PACRG: variants seen among roughly 807,000 people sequenced by gnomAD.
PACRG encodes parkin coregulated, also known as parkin coregulated gene protein.
A neutral mutation model predicts 29.7 loss-of-function variants in PACRG; 29 were observed. That is an observed-to-expected ratio of 0.98 (90% CI 0.73 to 1.33). The LOEUF (loss-of-function observed/expected upper bound fraction) is 1.33. Ranked by LOEUF, PACRG falls within the 40% of genes most tolerant of loss-of-function variation. PACRG has a pLI of 0.00. For synonymous variants in PACRG, 116 were observed against 118.7 expected, an observed-to-expected ratio of 0.98 and a Z score of 0.15; for missense variants, 279 against 316.2, an observed-to-expected ratio of 0.88 and a Z score of 0.89.
intron 2 of PACRG, among the ~76,000 whole-genome samples, chr6:162,839,140 T>C (rs1236871255): frequency 4.0e-5 from 5 of 126,416 alleles, no homozygotes; most frequent in African/African-American, 1.0e-4. Flanking sequence ...ATGGTATTTC[T>C]AGTTCTAGAT....
At chr6:163,078,649 T>C (rs898405153) in intron 3 of PACRG, among the ~76,000 whole-genome samples, 5 of 152,166 alleles carry the variant, frequency 3.3e-5, no homozygotes, top group Non-Finnish European at 7.4e-5. Flanking sequence ...ATTCTCTGCC[T>C]AAATTACGGC....
At position 163,194,372 on chromosome 6, in the gene PACRG, G is replaced by A. The variant is rs941735601; in HGVS notation, c.613+104964G>A. Among the ~76,000 whole-genome samples the A allele has an allele frequency of 4.6e-5, 7 of 151,180 alleles. No homozygotes were observed. In the East Asian group the frequency reaches 1.4e-3, roughly 30 times the overall value. ...TCTCCCCCTCTCTCCCTCCCTCCCT[G>A]TCTTTTCTCCTGTCTCCCTGTCACC... is the stretch of plus-strand genomic sequence containing the variant. On this transcript the variant is annotated intron_variant, in intron 4 of 4. Coordinates refer to ENST00000366888, the MANE Select transcript of PACRG (RefSeq NM_001080379.2).
At chr6:162,767,624 G>A (rs1331242582) in intron 1 of PACRG, among the ~76,000 whole-genome samples, 1 of 151,198 alleles carries the variant, frequency 6.6e-6, no homozygotes, top group Admixed American at 6.6e-5. Flanking sequence ...AATTTGGGGA[G>A]AATTTAACAT....
At chr6:162,967,651 C>T (rs7758078) in intron 2 of PACRG, among the ~76,000 whole-genome samples, 101,777 of 151,292 alleles carry the variant, frequency 0.67, 34,394 homozygotes, top group East Asian at 0.79. Context: ...GGACTACAGG[C>T]GCCTGCCACC....
intron 2 of PACRG, among the ~76,000 whole-genome samples, chr6:162,978,085 A>C (rs1802104541): frequency 6.6e-6 from 1 of 152,094 alleles, no homozygotes; most frequent in South Asian, 2.1e-4. Context: ...CGGAGGTTGC[A>C]GTGAACCAAG....
chr6:163,152,910 C>G (rs1027656516), intron 4 of PACRG, among the ~76,000 whole-genome samples: 1 of 152,134 alleles, frequency 6.6e-6, no homozygotes, highest in Non-Finnish European at 1.5e-5. Context: ...GGCCTATTAA[C>G]GGTAGTGAGC....
chr6:163,313,484 TG>T (rs1411695533), intron 4 of PACRG, among the ~76,000 whole-genome samples: 3 of 152,204 alleles, frequency 2.0e-5, no homozygotes, highest in Non-Finnish European at 4.4e-5. Context: ...GGATTGTAAT[TG>T]TTATATTTAT....
Position 163,174,873 on chromosome 6 carries a change from A to G in PACRG, c.613+85465A>G, listed in dbSNP as rs1469342407. On this transcript the variant is annotated intron_variant, in intron 4 of 4. Coordinates refer to ENST00000366888, the MANE Select transcript of PACRG (RefSeq NM_001080379.2). ...GCCTCCACTGTCTCATTGAGTCCTC[A>G]CAGCACACGTAAATAAATAGAGGGG... Among the ~76,000 whole-genome samples, 3 of 152,084 alleles carry G rather than the reference A, an allele frequency of 2.0e-5. No individual in the cohort carries two copies. In the East Asian group the frequency reaches 5.8e-4, roughly 29 times the overall value.
At chr6:162,861,660 AC>A (rs1395565455) in intron 2 of PACRG, among the ~76,000 whole-genome samples, 1 of 151,920 alleles carries the variant, frequency 6.6e-6, no homozygotes, top group Non-Finnish European at 1.5e-5. Flanking sequence ...CTCACCACCC[AC>A]CTCTCATTAT....
intron 4 of PACRG, among the ~76,000 whole-genome samples, chr6:163,139,000 C>T (rs1045396803): frequency 6.6e-6 from 1 of 152,232 alleles, no homozygotes; most frequent in Non-Finnish European, 1.5e-5. Context: ...CTGACTCCAT[C>T]CTACACTGCC....
At chr6:162,958,880 TATATAGAGAGAGAGAGAGAGAGAGAGAG>T (rs1228417013) in intron 2 of PACRG, among the ~76,000 whole-genome samples, 123 of 16,494 alleles carry the variant, frequency 7.5e-3, no homozygotes, top group Non-Finnish European at 7.7e-3. Context: ...TATATATATA[TATATAGAGAGAGAGAGAGAGAGAGAGAG>T]AGAGAGAGAG....
chr6:162,838,769 A>G (rs375978336), intron 2 of PACRG, among the ~76,000 whole-genome samples: 9,578 of 118,070 alleles, frequency 0.081, 522 homozygotes, highest in South Asian at 0.22. Flanking sequence ...CAGTCCCCAG[A>G]GTGTGATATT....
At chr6:162,862,955 A>G (rs1791987114) in intron 2 of PACRG, among the ~76,000 whole-genome samples, 1 of 152,238 alleles carries the variant, frequency 6.6e-6, no homozygotes, top group Non-Finnish European at 1.5e-5. Flanking sequence ...TGCTACTCTC[A>G]GCAGGTCAGT....
At chr6:162,806,505 A>G (rs1312715913) in intron 1 of PACRG, among the ~76,000 whole-genome samples, 1 of 152,048 alleles carries the variant, frequency 6.6e-6, no homozygotes, top group African/African-American at 2.4e-5. Flanking sequence ...GTAAGCAGGG[A>G]TGAAAACAAC....
At chr6:162,941,908 G>A (rs1352059831) in intron 2 of PACRG, among the ~76,000 whole-genome samples, 4 of 152,102 alleles carry the variant, frequency 2.6e-5, no homozygotes, top group African/African-American at 9.7e-5. Flanking sequence ...ACTAGTTTGA[G>A]CTTTGCTCTA....
At chr6:163,176,688 G>T (rs925044678) in intron 4 of PACRG, among the ~76,000 whole-genome samples, 2 of 152,224 alleles carry the variant, frequency 1.3e-5, no homozygotes, top group Non-Finnish European at 1.5e-5. Flanking sequence ...TGCTCTTGGA[G>T]CCTGGCTCTA....
intron 1 of PACRG, among the ~76,000 whole-genome samples, chr6:162,737,257 C>G (rs1257608951): frequency 6.6e-6 from 1 of 152,122 alleles, no homozygotes; most frequent in Non-Finnish European, 1.5e-5. Context: ...ACCTCTGAAA[C>G]CTATTCATGA....
chr6:162,985,640 T>C (rs1449193385), intron 2 of PACRG, among the ~76,000 whole-genome samples: 6 of 152,062 alleles, frequency 3.9e-5, no homozygotes, highest in Non-Finnish European at 8.8e-5. Context: ...TCCTGAGAAC[T>C]GGAACAAGAC....
At chr6:162,995,024 C>A (rs1319277016) in intron 2 of PACRG, among the ~76,000 whole-genome samples, 1 of 151,074 alleles carries the variant, frequency 6.6e-6, no homozygotes, top group African/African-American at 2.5e-5. Flanking sequence ...TGTGCCCCTG[C>A]TGGGGGGTGC....
Sources: allele counts gnomAD v4.1 joint callset (sites outside exome capture counted in the v4.1 genomes callset), GRCh38; gene constraint gnomAD v4.1.1; transcripts MANE v1.5; gene names NCBI Gene and HGNC (gene_info 2026-07-23, HGNC 2026-07-21).